ANKRD26: variants seen among roughly 807,000 people sequenced by gnomAD.
ANKRD26 encodes ankyrin repeat domain 26, also known as ankyrin repeat domain-containing protein 26.
Under a neutral mutation model 208.7 loss-of-function variants are expected in ANKRD26, and 141 were observed. The observed-to-expected ratio is 0.68, with a 90% CI of 0.59 to 0.78. The LOEUF (loss-of-function observed/expected upper bound fraction) is 0.78, where lower values mean the gene tolerates loss of function less well. Among genes scored for constraint, ANKRD26 ranks in the 30% least tolerant of loss-of-function variants. The probability of loss-of-function intolerance (pLI) is 0.00; values close to 1 mark genes in which losing one functional copy is unlikely to be tolerated. For missense variants in ANKRD26, 1,889 were observed against 1,938.7 expected, an observed-to-expected ratio of 0.97 and a Z score of 0.48; for synonymous variants, 636 against 660.4, an observed-to-expected ratio of 0.96 and a Z score of 0.57.
chr10:26,997,019 T>C (rs2052608125), intron 4 of ANKRD26, among the ~76,000 whole-genome samples: 1 of 152,090 alleles, frequency 6.6e-6, no homozygotes, highest in African/African-American at 2.4e-5. Context: ...TTGTTTTTGT[T>C]TTGTCTCCTG....
intron 15 of ANKRD26, among the ~76,000 whole-genome samples, chr10:27,055,858 G>T (rs1265206464): frequency 1.3e-5 from 2 of 151,846 alleles, no homozygotes; most frequent in Non-Finnish European, 2.9e-5. Context: ...TACATTACAT[G>T]TAGTTATAAC....
At chr10:27,086,974 A>T (rs2056146348) in intron 4 of ANKRD26, among the ~76,000 whole-genome samples, 1 of 152,080 alleles carries the variant, frequency 6.6e-6, no homozygotes, top group Admixed American at 6.6e-5. Context: ...GGGTTTCACC[A>T]TGTTGGCCAG....
At chr10:26,981,526 T>C (rs1250307479) in intron 4 of ANKRD26, among the ~76,000 whole-genome samples, 6 of 152,214 alleles carry the variant, frequency 3.9e-5, no homozygotes, top group Non-Finnish European at 8.8e-5. Context: ...GGCAGATTTA[T>C]GGCTTATTTG....
Position 27,043,590 on chromosome 10 carries a change from T to C in ANKRD26, c.2020-23A>G, listed in dbSNP as rs375605938. 161 of 1,605,444 alleles carry C rather than the reference T, an allele frequency of 1.0e-4. No individual in the cohort carries two copies. In the African/African-American group the frequency reaches 1.9e-3, roughly 19 times the overall value. ...GACCTATGAAATAAATAACACTGTT[T>C]CAAAATGTCCCCAGAATATTTATAG... is the stretch of plus-strand genomic sequence containing the variant. On this transcript the variant is annotated intron_variant, in intron 19 of 33. Transcript: ENST00000376087.
chr10:27,058,457 T>A (rs532498063), intron 15 of ANKRD26, among the ~76,000 whole-genome samples: 44 of 152,232 alleles, frequency 2.9e-4, no homozygotes, highest in Non-Finnish European at 6.0e-4. Flanking sequence ...TGTACATGCA[T>A]GTATTTTCTA....
chr10:27,058,892 T>A (rs546172349), intron 15 of ANKRD26, among the ~76,000 whole-genome samples: 1 of 147,798 alleles, frequency 6.8e-6, no homozygotes, highest in South Asian at 2.2e-4. Context: ...GATTTTTATG[T>A]TTTTTTGTTT....
At chr10:27,021,585 C>G (rs2053490551) in intron 29 of ANKRD26, among the ~76,000 whole-genome samples, 1 of 152,158 alleles carries the variant, frequency 6.6e-6, no homozygotes. Flanking sequence ...ATTCGTATGT[C>G]TTCTTATGAG....
intron 4 of ANKRD26, 53 bp from the exon 5 acceptor site, chr10:27,086,662 T>G: frequency 1.3e-6 from 2 of 1,550,906 alleles, no homozygotes; most frequent in East Asian, 4.6e-5. Flanking sequence ...CAAAAAATAT[T>G]TACCAAATAT....
At chr10:26,983,243 T>G (rs1404803452) in intron 3 of ANKRD26, among the ~76,000 whole-genome samples, 2 of 152,178 alleles carry the variant, frequency 1.3e-5, no homozygotes, top group Non-Finnish European at 2.9e-5. Flanking sequence ...AGATAGAAGC[T>G]GAGTAATCAT....
intron 4 of ANKRD26, among the ~76,000 whole-genome samples, chr10:26,996,212 CAAG>C (rs2052588455): frequency 6.6e-6 from 1 of 151,866 alleles, no homozygotes. Flanking sequence ...TTTGGGAGAT[CAAG>C]AAGAGAGAAT....
intron 29 of ANKRD26, among the ~76,000 whole-genome samples, chr10:27,018,846 A>G (rs2053392012): frequency 6.6e-6 from 1 of 152,244 alleles, no homozygotes; most frequent in Admixed American, 6.5e-5. Flanking sequence ...TCAAAATTGA[A>G]TAAAGATGTA....
rs752221672 is a variant in ANKRD26, at chr10:27,005,600, T to A, written c.5123A>T (p.Tyr1708Phe). 1 of 1,610,318 alleles carries A rather than the reference T, an allele frequency of 6.2e-7. No individual in the cohort carries two copies. Among genetic ancestry groups the A allele is most frequent in the South Asian group, 1.1e-5 (1 of 90,590 alleles). ...REYVQVLKKNYMI is the reference protein window; with the variant it reads ...REYVQVLKKNFMI ...ATAAAATCTTATCTTTCAGATCATATAATTTTTCTTTAAAACCTGTACATA... is the reference window on the plus strand; with the variant it reads ...ATAAAATCTTATCTTTCAGATCATAAAATTTTTCTTTAAAACCTGTACATA... The change falls in exon 34 of 34, where the codon TAT becomes TTT. Residue 1708 changes from tyrosine to phenylalanine, a missense_variant. Tyr to Phe is a conservative substitution (Grantham distance 22, BLOSUM62 3). This residue lies in a region of ANKRD26 where 613 missense variants were observed against 648.2 expected (regional missense o/e 0.95). Transcript: ENST00000376087.
intron 24 of ANKRD26, 101 bp downstream of exon 24, chr10:27,034,695 T>A: frequency 1.3e-6 from 1 of 744,302 alleles, no homozygotes; most frequent in South Asian, 2.2e-5. Context: ...ATAGAGTAAA[T>A]AAGCTTATCT....
At chr10:27,086,428 C>A in intron 5 of ANKRD26, 111 bp downstream of exon 5, 1 of 1,354,328 alleles carries the variant, frequency 7.4e-7, no homozygotes, top group Non-Finnish European at 1.0e-6. Context: ...AATACACATG[C>A]ACCTTATACA....
chr10:26,975,843 AAATAAATAAATAAAT>A (rs1216323423), exon 6 of ANKRD26, among the ~76,000 whole-genome samples: 7 of 151,366 alleles, frequency 4.6e-5, no homozygotes, highest in South Asian at 2.1e-4. Context: ...ATCCACCTTA[AAATAAATAAATAAAT>A]AATAAATAAA....
intron 23 of ANKRD26, 101 bp from the exon 24 acceptor site, chr10:27,035,853 G>T: frequency 1.1e-6 from 1 of 880,192 alleles, no homozygotes; most frequent in Non-Finnish European, 1.8e-6. Context: ...ACAATAAAGG[G>T]TTGCAATAAG....
chr10:27,058,140 A>T (rs899162261), intron 15 of ANKRD26, among the ~76,000 whole-genome samples: 1 of 152,208 alleles, frequency 6.6e-6, no homozygotes, highest in African/African-American at 2.4e-5. Context: ...CAAGCAAAAG[A>T]AAAAAGTAAA....
chr10:26,996,154 A>T (rs1299329024), intron 4 of ANKRD26, among the ~76,000 whole-genome samples: 1 of 152,146 alleles, frequency 6.6e-6, no homozygotes, highest in Non-Finnish European at 1.5e-5. Context: ...TTCTGTACAA[A>T]TCTCCACCCT....
downstream of ANKRD26, among the ~76,000 whole-genome samples, chr10:26,988,062 C>A (rs920981054): frequency 6.6e-6 from 1 of 152,092 alleles, no homozygotes; most frequent in Non-Finnish European, 1.5e-5. Context: ...TGAAACTTTC[C>A]TTTATTTGTT....
Sources: allele counts gnomAD v4.1 joint callset (sites outside exome capture counted in the v4.1 genomes callset), GRCh38; gene constraint gnomAD v4.1.1; regional missense constraint gnomAD v4.1.1; transcripts MANE v1.5; gene names NCBI Gene and HGNC (gene_info 2026-07-23, HGNC 2026-07-21).